Variants in MIA2 observed in about 807,000 individuals in gnomAD.
The protein encoded by MIA2 is melanoma inhibitory activity protein 2.
A neutral mutation model predicts 167.8 loss-of-function variants in MIA2; 127 were observed. The ratio of observed to expected loss-of-function variants is 0.76; its 90% CI spans 0.66 to 0.88. The LOEUF (loss-of-function observed/expected upper bound fraction) is 0.88. MIA2 is among the 40% of genes least tolerant of loss of function. The pLI, the probability that MIA2 is intolerant of heterozygous loss-of-function variation, is 0.00. For missense variants in MIA2, 1,690 were observed against 1,624.7 expected (o/e 1.04, Z -0.69); for synonymous variants, 552 against 541.9 (o/e 1.02, Z -0.26).
At chr14:39,338,890 G>A (rs78760281) in intron 25 of MIA2, among the ~76,000 whole-genome samples, 1,533 of 152,250 alleles carry the variant, frequency 0.01, 28 homozygotes, top group African/African-American at 0.034. Context: ...GGCTTGTTTT[G>A]TCTTCACTTT....
chr14:39,353,793 C>T (rs547459299), downstream of MIA2, among the ~76,000 whole-genome samples: 37 of 152,248 alleles, frequency 2.4e-4, no homozygotes, highest in Admixed American at 4.6e-4. Context: ...CAATTCCCAC[C>T]TATGAGTGAG....
Position 39,315,715 on chromosome 14 carries a change from T to C in MIA2, c.3213T>C (p.Asn1071=). 2 of 1,547,578 alleles carry C rather than the reference T, an allele frequency of 1.3e-6. No individual in the cohort carries two copies. The highest frequency in any genetic ancestry group is 1.8e-6 in the Non-Finnish European group (2 of 1,132,192). The change falls in exon 21 of 29, where the codon AAT becomes AAC. Residue 1071 remains asparagine (N), a synonymous_variant. Coordinates refer to ENST00000640607, the MANE Select transcript of MIA2 (RefSeq NM_001329214.4). ...CCCATGAGAAAAAAGCACATGATAA[T>C]TGGGTAAGTTTAAAATTTCCTTAAG... The part of the protein sequence containing the change: ...IISHEKKAHD[N]WLAARNAERN...
At chr14:39,306,251 C>T (rs935756545) in intron 17 of MIA2, among the ~76,000 whole-genome samples, 1 of 152,110 alleles carries the variant, frequency 6.6e-6, no homozygotes. Context: ...TCCGTTCTCA[C>T]ATTGCTGTAA....
At chr14:39,288,493 G>A (rs1228403162) in intron 9 of MIA2, among the ~76,000 whole-genome samples, 3 of 26,420 alleles carry the variant, frequency 1.1e-4, no homozygotes, top group South Asian at 1.2e-3. Flanking sequence ...TTTTTTTTTT[G>A]AGACGGAGTC....
intron 4 of MIA2, among the ~76,000 whole-genome samples, chr14:39,249,939 C>A (rs1266081409): frequency 1.3e-5 from 2 of 152,196 alleles, no homozygotes; most frequent in African/African-American, 4.8e-5. Context: ...CTCTACTCAA[C>A]ATCCTCAACC....
chr14:39,301,117 A>G (rs980173596), intron 14 of MIA2, among the ~76,000 whole-genome samples: 7 of 151,250 alleles, frequency 4.6e-5, no homozygotes, highest in African/African-American at 1.7e-4. Context: ...CTGGAGTGCA[A>G]TGGCACCATC....
At chr14:39,330,603 T>G (rs2068637495) in intron 25 of MIA2, among the ~76,000 whole-genome samples, 1 of 152,220 alleles carries the variant, frequency 6.6e-6, no homozygotes, top group Non-Finnish European at 1.5e-5. Context: ...GGTATTTTAG[T>G]GCTGTAAATT....
At chr14:39,367,411 T>G (rs919739610) in intron 23 of MIA2, among the ~76,000 whole-genome samples, 4 of 152,208 alleles carry the variant, frequency 2.6e-5, no homozygotes, top group African/African-American at 7.2e-5. Context: ...AGCTTGGATT[T>G]CAGGGACTGT....
intron 9 of MIA2, among the ~76,000 whole-genome samples, chr14:39,285,440 T>C (rs7142460): frequency 0.97 from 107,073 of 110,426 alleles, 51,884 homozygotes; most frequent in Middle Eastern, 0.98. Context: ...CCCCCCACCT[T>C]CCTCCCGGAC....
At chr14:39,328,821 C>T (rs369398195) in intron 25 of MIA2, among the ~76,000 whole-genome samples, 4 of 152,078 alleles carry the variant, frequency 2.6e-5, no homozygotes, top group Non-Finnish European at 5.9e-5. Context: ...TTCCATTGTT[C>T]TATATGTCTG....
rs1211527226 is a variant in MIA2 at position 39,247,236 on chromosome 14, C to T, written c.662C>T (p.Ser221Phe). Residue 221 changes from serine (S) to phenylalanine (F), a missense_variant, in exon 4 of 29, where the codon TCT (serine) becomes TTT (phenylalanine). Ser to Phe is a radical substitution (Grantham distance 155, BLOSUM62 -2). Transcript: ENST00000640607. ...CATGTCCCACCATCTTCAGCTGTGT[C>T]TGGAGTCAAAGAATGGTTTGGATTG... is the stretch of plus-strand genomic sequence containing the variant. ...EVHVPPSSAVSGVKEWFGLGG... is the reference protein window; with the variant it reads ...EVHVPPSSAVFGVKEWFGLGG... 6.2e-7 allele frequency: 1 copy of T among 1,614,014 alleles called. No individual in the cohort carries two copies. The highest frequency in any genetic ancestry group is 2.2e-5 in the East Asian group (1 of 44,866).
At chr14:39,314,928 G>C in intron 20 of MIA2, 129 bp downstream of exon 20, 1 of 637,180 alleles carries the variant, frequency 1.6e-6, no homozygotes. Context: ...TTGAGGTGTT[G>C]CATGTGGCTG....
At chr14:39,280,756 CA>C (rs1332392698) in intron 9 of MIA2, among the ~76,000 whole-genome samples, 1 of 151,432 alleles carries the variant, frequency 6.6e-6, no homozygotes, top group Non-Finnish European at 1.5e-5. Context: ...AACAAACAAA[CA>C]AAAAAACCCT....
intron 21 of MIA2, among the ~76,000 whole-genome samples, chr14:39,317,125 C>CA: frequency 6.6e-6 from 1 of 152,256 alleles, no homozygotes; most frequent in Non-Finnish European, 1.5e-5. Flanking sequence ...TATCTGTCCT[C>CA]ACGTGTTCTA....
At chr14:39,270,311 C>T (rs1306041594) in intron 6 of MIA2, among the ~76,000 whole-genome samples, 1 of 151,190 alleles carries the variant, frequency 6.6e-6, no homozygotes, top group Non-Finnish European at 1.5e-5. Context: ...AAGTGATTCT[C>T]CTGCCTCAGC....
intron 14 of MIA2, among the ~76,000 whole-genome samples, chr14:39,300,919 T>A (rs1400853806): frequency 1.3e-5 from 1 of 75,250 alleles, no homozygotes; most frequent in South Asian, 5.3e-4. Flanking sequence ...ATTTGGCATA[T>A]ATATATATAC....
chr14:39,304,486 ATT>A, intron 17 of MIA2, 105 bp downstream of exon 17: 4 of 596,518 alleles, frequency 6.7e-6, no homozygotes. Context: ...ATCCAATTTT[ATT>A]TTTTTTTAAC....
intron 23 of MIA2, among the ~76,000 whole-genome samples, chr14:39,376,540 G>T (rs1289392834): frequency 1.3e-5 from 2 of 152,104 alleles, no homozygotes; most frequent in Admixed American, 1.3e-4. Context: ...TTTATTAACT[G>T]AAACATAAGA....
At position 39,348,753 on chromosome 14, in the gene MIA2, TG is replaced by T; in HGVS notation, c.3849del (p.Pro1284LeufsTer38). 6.2e-7 allele frequency: 1 copy of T among 1,613,954 alleles called. No individual in the cohort carries two copies. Among genetic ancestry groups the T allele is most frequent in the Non-Finnish European group, 8.5e-7 (1 of 1,179,808 alleles). Reference sequence around the variant, plus strand: ...GTCAATTTGTTGTAGAATTTAAATGTGCCTGATTCATCTCTCCCTGCTGAAA... The same window carrying T: ...GTCAATTTGTTGTAGAATTTAAATGTCCTGATTCATCTCTCCCTGCTGAAA... The part of the protein sequence containing the change: ...DTKDDLGNLN[V>X]PDSSLPAENE... On this transcript the variant is annotated frameshift_variant, in exon 28 of 29. Transcript: ENST00000640607. LOFTEE classifies it high-confidence loss of function.
Sources: allele counts gnomAD v4.1 joint callset (sites outside exome capture counted in the v4.1 genomes callset), GRCh38; gene constraint gnomAD v4.1.1; transcripts MANE v1.5; gene names NCBI Gene and HGNC (gene_info 2026-07-23, HGNC 2026-07-21).